The following CCDC181 variants were observed in gnomAD, a reference collection of about 807,000 sequenced individuals.
CCDC181 encodes the protein coiled-coil domain-containing protein 181.
In CCDC181, 35 loss-of-function variants were observed where a neutral mutation model predicts 58.7. The observed-to-expected ratio is 0.60, with a 90% CI of 0.46 to 0.79. The LOEUF (loss-of-function observed/expected upper bound fraction) is 0.79, where lower values mean the gene tolerates loss of function less well. Among genes scored for constraint, CCDC181 ranks in the 30% least tolerant of loss-of-function variants. The pLI is 0.00. For synonymous variants in CCDC181, 183 were observed against 197.5 expected (o/e 0.93, Z 0.62); for missense variants, 517 against 583.9 (o/e 0.89, Z 1.18).
intron 4 of CCDC181, among the ~76,000 whole-genome samples, chr1:169,415,110 G>A (rs1322097358): frequency 6.6e-6 from 1 of 152,094 alleles, no homozygotes; most frequent in South Asian, 2.1e-4. Context: ...TATTTACTAT[G>A]TACAAATACA....
chr1:169,457,516 C>G (rs1219983303), intron 2 of CCDC181, among the ~76,000 whole-genome samples: 1 of 152,084 alleles, frequency 6.6e-6, no homozygotes, highest in Non-Finnish European at 1.5e-5. Flanking sequence ...TATAATCAAA[C>G]CAATTTTACC....
Position 169,399,515 on chromosome 1 carries a change from T to C in CCDC181, c.1216-2124A>G, listed in dbSNP as rs535600487. 5.9e-5 allele frequency among the ~76,000 whole-genome samples: 9 copies of C among 152,254 alleles called. No homozygotes were observed. In the South Asian group the frequency reaches 1.9e-3, roughly 32 times the overall value. On this transcript the variant is annotated intron_variant, in intron 4 of 5. Coordinates refer to ENST00000367806, the MANE Select transcript of CCDC181 (RefSeq NM_001300969.2). ...TAGACTGCATTGGTATGCAAATATG[T>C]CACTGCATAAGATCATAGCAAATAA...
chr1:169,408,291 A>G (rs568952669), intron 4 of CCDC181, among the ~76,000 whole-genome samples: 4 of 152,312 alleles, frequency 2.6e-5, no homozygotes, highest in African/African-American at 9.6e-5. Flanking sequence ...ACAGCCAGGA[A>G]GTTGGAACTG....
intron 4 of CCDC181, among the ~76,000 whole-genome samples, chr1:169,418,068 A>G (rs1262521341): frequency 6.6e-6 from 1 of 152,206 alleles, no homozygotes; most frequent in Non-Finnish European, 1.5e-5. Context: ...TGGAGGAACT[A>G]TAAATTCATA....
intron 4 of CCDC181, among the ~76,000 whole-genome samples, chr1:169,405,253 AT>A (rs1655583953): frequency 6.6e-6 from 1 of 152,244 alleles, no homozygotes; most frequent in Non-Finnish European, 1.5e-5. Context: ...TATAGATTCA[AT>A]GCCATCCCCA....
chr1:169,423,121 A>G (rs1041832810), intron 2 of CCDC181, among the ~76,000 whole-genome samples: 2 of 150,252 alleles, frequency 1.3e-5, no homozygotes, highest in South Asian at 4.2e-4. Context: ...AAGCAGTTCT[A>G]TGGGAGCTAC....
chr1:169,442,147 T>G (rs954357303), intron 2 of CCDC181, among the ~76,000 whole-genome samples: 3 of 152,080 alleles, frequency 2.0e-5, no homozygotes, highest in African/African-American at 7.2e-5. Flanking sequence ...CATGTGACCA[T>G]GCACATCTCC....
intron 4 of CCDC181, among the ~76,000 whole-genome samples, chr1:169,404,200 CA>C (rs1159478918): frequency 1.3e-5 from 2 of 152,118 alleles, no homozygotes; most frequent in Non-Finnish European, 2.9e-5. Context: ...AGTCCAGGAC[CA>C]GACAGATTCA....
At chr1:169,440,323 G>C (rs1331032991) in intron 2 of CCDC181, among the ~76,000 whole-genome samples, 1 of 152,172 alleles carries the variant, frequency 6.6e-6, no homozygotes, top group Admixed American at 6.5e-5. Context: ...TCCCAGAGGA[G>C]CCCCCAAATT....
At chr1:169,430,311 T>C (rs1656881418), upstream of CCDC181, among the ~76,000 whole-genome samples, 1 of 152,142 alleles carries the variant, frequency 6.6e-6, no homozygotes, top group Non-Finnish European at 1.5e-5. Flanking sequence ...AGGGTTGTTT[T>C]TTCTAGTTCT....
At chr1:169,454,395 A>G (rs1308638262) in intron 2 of CCDC181, 1 of 152,112 alleles carries the variant, frequency 6.6e-6, no homozygotes, top group East Asian at 1.9e-4. Context: ...AAGATATAAT[A>G]TCTTAATATG....
chr1:169,402,569 G>T (rs1655411399), intron 4 of CCDC181, among the ~76,000 whole-genome samples: 1 of 152,092 alleles, frequency 6.6e-6, no homozygotes, highest in African/African-American at 2.4e-5. Flanking sequence ...CTTCATAAGT[G>T]AAGGAGAAAT....
intron 2 of CCDC181, among the ~76,000 whole-genome samples, chr1:169,457,274 G>GT (rs1473169667): frequency 1.3e-5 from 2 of 152,036 alleles, no homozygotes; most frequent in Non-Finnish European, 1.5e-5. Context: ...GTGGATTCAT[G>GT]TTTTTCGTCA....
chr1:169,457,859 A>AG (rs1204542615), intron 2 of CCDC181, among the ~76,000 whole-genome samples: 1 of 152,198 alleles, frequency 6.6e-6, no homozygotes, highest in Non-Finnish European at 1.5e-5. Context: ...CCCCTTCTTA[A>AG]GTATACCTTT....
At chr1:169,423,682 A>G (rs1656593656) in intron 2 of CCDC181, among the ~76,000 whole-genome samples, 1 of 152,010 alleles carries the variant, frequency 6.6e-6, no homozygotes, top group Non-Finnish European at 1.5e-5. Flanking sequence ...AAATAAAACA[A>G]TAAATCATCC....
chr1:169,444,047 A>G (rs1332616662), intron 2 of CCDC181, among the ~76,000 whole-genome samples: 2 of 152,198 alleles, frequency 1.3e-5, no homozygotes, highest in Non-Finnish European at 2.9e-5. Context: ...TGCTTGCAGT[A>G]ACATTGATGT....
At chr1:169,407,960 C>A (rs1275844587) in intron 4 of CCDC181, among the ~76,000 whole-genome samples, 1 of 152,172 alleles carries the variant, frequency 6.6e-6, no homozygotes, top group Admixed American at 6.5e-5. Flanking sequence ...CCTTGAATGC[C>A]TACACCACCA....
At chr1:169,459,581 A>T (rs1470523153) in intron 2 of CCDC181, among the ~76,000 whole-genome samples, 1 of 152,172 alleles carries the variant, frequency 6.6e-6, no homozygotes, top group Non-Finnish European at 1.5e-5. Context: ...CAGGGTGAGG[A>T]GCACAGAATA....
chr1:169,401,445 C>T (rs552152009), intron 4 of CCDC181, among the ~76,000 whole-genome samples: 8 of 152,272 alleles, frequency 5.3e-5, no homozygotes, highest in East Asian at 1.9e-4. Context: ...CCCTCTGAGA[C>T]GAAGCTTCCA....
Sources: allele counts gnomAD v4.1 joint callset (sites outside exome capture counted in the v4.1 genomes callset), GRCh38; gene constraint gnomAD v4.1.1; transcripts MANE v1.5; gene names NCBI Gene and HGNC (gene_info 2026-07-23, HGNC 2026-07-21).